The following APBA2 variants were observed in gnomAD, a reference collection of about 807,000 sequenced individuals.
APBA2 encodes amyloid beta precursor protein binding family A member 2.
Under a neutral mutation model 75.0 loss-of-function variants are expected in APBA2, and 30 were observed. That is an observed-to-expected ratio of 0.40 (90% CI 0.30 to 0.54). APBA2 has a LOEUF of 0.54. Ranked by LOEUF, APBA2 falls within the 20% of genes least tolerant of loss-of-function variation. The pLI is 0.49. For synonymous variants in APBA2, 444 were observed against 409.6 expected, an observed-to-expected ratio of 1.08 and a Z score of -1.01; for missense variants, 801 against 1,016.1, an observed-to-expected ratio of 0.79 and a Z score of 2.88.
intron 3 of APBA2, among the ~76,000 whole-genome samples, chr15:28,998,050 G>A (rs2038628827): frequency 6.6e-6 from 1 of 152,126 alleles, no homozygotes; most frequent in Non-Finnish European, 1.5e-5. Context: ...AAGGGCCGGG[G>A]TTTATTTATT....
At chr15:28,904,813 G>A (rs778735316) in intron 1 of APBA2, among the ~76,000 whole-genome samples, 33 of 152,172 alleles carry the variant, frequency 2.2e-4, no homozygotes, top group Non-Finnish European at 4.4e-4. Context: ...GAACGTGTGG[G>A]GAAGCCCGTG....
intron 13 of APBA2, among the ~76,000 whole-genome samples, chr15:29,109,831 C>G (rs558490985): frequency 6.6e-6 from 1 of 152,240 alleles, no homozygotes; most frequent in African/African-American, 2.4e-5. Context: ...CCATAAAGTA[C>G]CCCAAGCTAT....
At chr15:28,890,417 C>T (rs1035808970) in intron 1 of APBA2, among the ~76,000 whole-genome samples, 2 of 152,146 alleles carry the variant, frequency 1.3e-5, no homozygotes, top group Admixed American at 6.5e-5. Context: ...AAGGAGGCAC[C>T]CCCACGCCCA....
At chr15:28,912,138 A>G (rs2033458614) in intron 1 of APBA2, among the ~76,000 whole-genome samples, 2 of 152,176 alleles carry the variant, frequency 1.3e-5, no homozygotes, top group Non-Finnish European at 2.9e-5. Context: ...GCTTAATATG[A>G]AATTATATTA....
intron 1 of APBA2, among the ~76,000 whole-genome samples, chr15:28,912,701 C>T (rs1448692502): frequency 6.6e-6 from 1 of 152,210 alleles, no homozygotes; most frequent in African/African-American, 2.4e-5. Flanking sequence ...TTCTGGCAGG[C>T]ACCCCACTAC....
intron 2 of APBA2, among the ~76,000 whole-genome samples, chr15:28,989,478 T>C (rs891145846): frequency 2.0e-5 from 3 of 152,214 alleles, no homozygotes; most frequent in Admixed American, 6.5e-5. Flanking sequence ...CACACGGGGC[T>C]GTATGCACAG....
chr15:29,090,961 G>A (rs2043537721), intron 6 of APBA2, among the ~76,000 whole-genome samples: 1 of 146,338 alleles, frequency 6.8e-6, no homozygotes, highest in South Asian at 2.1e-4. Context: ...AGGCAGATGT[G>A]CACACTTCAC....
At chr15:28,977,952 C>T (rs902453243) in intron 2 of APBA2, among the ~76,000 whole-genome samples, 9 of 152,170 alleles carry the variant, frequency 5.9e-5, no homozygotes, top group African/African-American at 1.7e-4. Flanking sequence ...AGGCAGGCCT[C>T]GGTTCAAATC....
chr15:28,916,026 C>T (rs1403668196), intron 1 of APBA2, among the ~76,000 whole-genome samples: 2 of 152,168 alleles, frequency 1.3e-5, no homozygotes, highest in African/African-American at 4.8e-5. Context: ...AACTACTCAT[C>T]GAATGAAACT....
chr15:29,019,800 A>G (rs1287168987), intron 3 of APBA2, among the ~76,000 whole-genome samples: 1 of 152,206 alleles, frequency 6.6e-6, no homozygotes, highest in South Asian at 2.1e-4. Context: ...GCTGTCACAA[A>G]CAGTGATGCT....
chr15:28,972,039 A>T (rs1187833587), intron 2 of APBA2, among the ~76,000 whole-genome samples: 1 of 152,240 alleles, frequency 6.6e-6, no homozygotes, highest in Non-Finnish European at 1.5e-5. Flanking sequence ...GGAAATGGAT[A>T]AACAACGGGA....
chr15:29,022,300 C>T (rs1375207186), intron 3 of APBA2, among the ~76,000 whole-genome samples: 1 of 152,184 alleles, frequency 6.6e-6, no homozygotes, highest in Non-Finnish European at 1.5e-5. Flanking sequence ...CTCACCAACG[C>T]TTCTTATCTT....
At chr15:29,066,782 C>A (rs1158046710) in intron 4 of APBA2, among the ~76,000 whole-genome samples, 1 of 152,110 alleles carries the variant, frequency 6.6e-6, no homozygotes, top group African/African-American at 2.4e-5. Flanking sequence ...CTGGTTTGAA[C>A]CAATTTGGAT....
intron 3 of APBA2, among the ~76,000 whole-genome samples, chr15:29,010,074 T>G (rs926264479): frequency 6.6e-6 from 1 of 152,196 alleles, no homozygotes; most frequent in Non-Finnish European, 1.5e-5. Flanking sequence ...GTGGTGTTAG[T>G]CATTTTAATT....
intron 3 of APBA2, among the ~76,000 whole-genome samples, chr15:28,998,229 C>A (rs1012605327): frequency 3.2e-5 from 4 of 123,670 alleles, no homozygotes; most frequent in Non-Finnish European, 5.0e-5. Flanking sequence ...GAATTAAATT[C>A]TAGGCCTCAC....
At chr15:28,900,738 C>T (rs1204386409) in intron 1 of APBA2, among the ~76,000 whole-genome samples, 1 of 152,172 alleles carries the variant, frequency 6.6e-6, no homozygotes. Context: ...ATGTCCTGTC[C>T]CATCTGCAGC....
intron 4 of APBA2, chr15:29,071,196 CT>C: frequency 5.3e-6 from 2 of 378,050 alleles, no homozygotes; most frequent in Non-Finnish European, 1.1e-5. Flanking sequence ...AGAATTGACA[CT>C]TTTTAAAATC....
intron 6 of APBA2, among the ~76,000 whole-genome samples, chr15:29,084,507 C>T (rs1322921816): frequency 6.6e-6 from 1 of 152,156 alleles, no homozygotes; most frequent in Non-Finnish European, 1.5e-5. Flanking sequence ...TACATCATAG[C>T]CTCTTTAAAT....
intron 3 of APBA2, among the ~76,000 whole-genome samples, chr15:29,041,290 G>A (rs953874879): frequency 1.3e-5 from 2 of 152,042 alleles, no homozygotes; most frequent in Non-Finnish European, 2.9e-5. Flanking sequence ...GGGCAATATG[G>A]TAAGACCTCT....
Sources: gnomAD v4.1 joint callset for allele counts (sites outside exome capture counted in the v4.1 genomes callset) on GRCh38, gnomAD v4.1.1 for gene constraint, MANE v1.5 for transcripts, NCBI Gene and HGNC (gene_info 2026-07-23, HGNC 2026-07-21) for gene names.